ADGRV1: variants seen among roughly 807,000 people sequenced by gnomAD.
The protein encoded by ADGRV1 is G-protein coupled receptor 98.
Under a neutral mutation model 596.2 loss-of-function variants are expected in ADGRV1, and 359 were observed. The ratio of observed to expected loss-of-function variants is 0.60; its 90% CI spans 0.55 to 0.66. The LOEUF is 0.66. Ranked by LOEUF, ADGRV1 falls within the 30% of genes least tolerant of loss-of-function variation. The pLI is 0.00. For synonymous variants in ADGRV1, 2,681 were observed against 2,679.2 expected (o/e 1.00, Z -0.02); for missense variants, 7,274 against 7,575.6 (o/e 0.96, Z 1.48).
At chr5:91,140,009 C>T (rs1794963801) in intron 87 of ADGRV1, among the ~76,000 whole-genome samples, 1 of 152,202 alleles carries the variant, frequency 6.6e-6, no homozygotes, top group Non-Finnish European at 1.5e-5. Flanking sequence ...TGTCCTCCAG[C>T]TGTGTTTAAT....
chr5:90,840,575 T>C lies in ADGRV1; in HGVS notation c.16612-3T>C. The stretch of plus-strand genomic sequence containing the variant: ...CACTTAAATGGTGTTGTTTAATTTC[T>C]AGGAGTTGAGGAGTGCTGAAACAAT... On this transcript the variant is annotated splice_polypyrimidine_tract_variant and splice_region_variant and intron_variant, in intron 77 of 89. Coordinates refer to ENST00000405460, the MANE Select transcript of ADGRV1 (RefSeq NM_032119.4). 1 of 1,581,702 alleles carries C rather than the reference T, an allele frequency of 6.3e-7. No individual in the cohort carries two copies. The highest frequency in any genetic ancestry group is 8.6e-7 in the Non-Finnish European group (1 of 1,162,354).
intron 78 of ADGRV1, among the ~76,000 whole-genome samples, chr5:90,843,322 C>T (rs895474765): frequency 6.6e-6 from 1 of 152,126 alleles, no homozygotes; most frequent in African/African-American, 2.4e-5. Flanking sequence ...CATAAACATT[C>T]ACATCAATGG....
chr5:90,787,590 CTTTTTTT>C (rs35504697), intron 67 of ADGRV1, among the ~76,000 whole-genome samples: 2 of 118,906 alleles, frequency 1.7e-5, no homozygotes, highest in Admixed American at 8.7e-5. Context: ...TTCTTTCTTT[CTTTTTTT>C]TTTTTTTTTT....
intron 17 of ADGRV1, 85 bp downstream of exon 17, chr5:90,647,849 C>A: frequency 8.8e-7 from 1 of 1,138,342 alleles, no homozygotes; most frequent in Non-Finnish European, 1.3e-6. Flanking sequence ...ATAATGAGGA[C>A]AAGTAGGGCC....
chr5:90,686,153 C>CTT (rs61571031), intron 29 of ADGRV1, among the ~76,000 whole-genome samples, 158 bp downstream of exon 29: 7 of 142,170 alleles, frequency 4.9e-5, no homozygotes, highest in East Asian at 2.1e-4. Flanking sequence ...AATCTAGAGT[C>CTT]TTTTTTTTTG....
intron 83 of ADGRV1, among the ~76,000 whole-genome samples, chr5:90,962,452 A>G (rs560525372): frequency 4.7e-4 from 72 of 152,314 alleles, no homozygotes; most frequent in African/African-American, 1.7e-3. Context: ...GGTAATCTCT[A>G]TGTGTTTGAA....
intron 89 of ADGRV1, among the ~76,000 whole-genome samples, chr5:91,163,040 G>C (rs1797085245): frequency 1.3e-5 from 2 of 151,994 alleles, no homozygotes; most frequent in Admixed American, 1.3e-4. Flanking sequence ...AAAGAACATT[G>C]TTCTCTAGAA....
intron 54 of ADGRV1, 138 bp from the exon 55 acceptor site, chr5:90,754,845 G>A (rs967912584): frequency 1.6e-6 from 1 of 615,660 alleles, no homozygotes; most frequent in Non-Finnish European, 2.8e-6. Context: ...ATCCTTGGGA[G>A]TATACATTGT....
chr5:90,845,027 G>C (rs1249330767), intron 78 of ADGRV1, among the ~76,000 whole-genome samples: 1 of 152,130 alleles, frequency 6.6e-6, no homozygotes, highest in Non-Finnish European at 1.5e-5. Context: ...AGTTAACTCT[G>C]TATTTTACTG....
chr5:91,153,337 G>A lies in ADGRV1; in HGVS notation c.18741G>A (p.Gly6247=), dbSNP rs13158963. 0.11 allele frequency: 182,146 copies of A among 1,611,782 alleles called. 11,031 individuals are homozygous for A. The highest frequency in any genetic ancestry group is 0.18 in the South Asian group (16,061 of 90,638). ...TFPSSGGYGQ[G]SLIADEESQE... is the part of the protein sequence containing the mutation. ...CGTCCTCTGGAGGATATGGCCAGGG[G>A]TCACTGATAGCCGATGAGGAGTCCC... is the stretch of plus-strand genomic sequence containing the variant. Residue 6247 remains glycine, a synonymous_variant, in exon 89 of 90, where the codon GGG becomes GGA. Transcript: ENST00000405460.
chr5:90,636,693 C>T (rs188781299), intron 10 of ADGRV1, among the ~76,000 whole-genome samples: 1 of 152,256 alleles, frequency 6.6e-6, no homozygotes, highest in African/African-American at 2.4e-5. Context: ...CAAGGTGATT[C>T]AGGGCCCCAG....
intron 85 of ADGRV1, 88 bp from the exon 86 acceptor site, chr5:91,072,359 T>A: frequency 1.8e-6 from 2 of 1,140,594 alleles, no homozygotes; most frequent in Non-Finnish European, 1.3e-6. Context: ...TACAAAGAGC[T>A]AGTATAAAGT....
Position 91,060,378 on chromosome 5 carries a change from GTATATATATA to G in ADGRV1, c.18153-12057_18153-12048del, listed in dbSNP as rs199745758. Among the ~76,000 whole-genome samples, 851 of 77,104 alleles carry G rather than the reference GTATATATATA, an allele frequency of 0.011. 23 individuals carry two copies. In the East Asian group the frequency reaches 0.13, roughly 11 times the overall value. 50.6% of individuals were successfully genotyped at this position (77,104 alleles called of 152,430 possible). A position where few individuals can be genotyped will look rare whatever the true frequency, so the allele number is the denominator to read the frequency against. ...GCCTGGCAATTTTATATGTGTGTGTGTATATATATATATATATATATTTTTTTTTTTAATA... is the reference window on the plus strand; with the variant it reads ...GCCTGGCAATTTTATATGTGTGTGTGTATATATATATTTTTTTTTTTAATA... On this transcript the variant is annotated intron_variant, in intron 85 of 89. Coordinates refer to ENST00000405460, the MANE Select transcript of ADGRV1 (RefSeq NM_032119.4).
In ADGRV1 at chr5:90,637,947, A is replaced by G. The variant is rs766455670; in HGVS notation, c.2239A>G (p.Arg747Gly). 18 of 1,601,748 alleles carry G rather than the reference A, an allele frequency of 1.1e-5. No individual in the cohort carries two copies. Among genetic ancestry groups the G allele is most frequent in the Non-Finnish European group, 1.5e-5 (17 of 1,169,414 alleles). Residue 747 changes from arginine to glycine, a missense_variant and splice_region_variant, in exon 11 of 90, where the codon AGG becomes GGG. Arg to Gly is a moderately radical substitution (Grantham distance 125, BLOSUM62 -2). Coordinates refer to ENST00000405460, the MANE Select transcript of ADGRV1 (RefSeq NM_032119.4). The stretch of plus-strand genomic sequence containing the variant: ...TGAAACTGTAACACTTTCTCTAGAC[A>G]GGTAATAACCCATTTAGGTAATGTT... ...MNETVTLSLD[R>G]VNVENQVLKS...
chr5:90,656,543 C>A (rs1307288128), intron 20 of ADGRV1, among the ~76,000 whole-genome samples: 1 of 152,102 alleles, frequency 6.6e-6, no homozygotes, highest in Non-Finnish European at 1.5e-5. Flanking sequence ...ATAGGAGAGA[C>A]AACATAGGAT....
chr5:90,725,678 G>T, intron 48 of ADGRV1, 22 bp downstream of exon 48: 1 of 1,163,264 alleles, frequency 8.6e-7, no homozygotes, highest in Non-Finnish European at 1.3e-6. Flanking sequence ...TTAAAATGAA[G>T]TGGGTTTTTT....
At chr5:90,673,200 C>A (rs183050201) in intron 22 of ADGRV1, among the ~76,000 whole-genome samples, 123 of 152,206 alleles carry the variant, frequency 8.1e-4, no homozygotes, top group African/African-American at 2.9e-3. Flanking sequence ...CATTATGAAT[C>A]TATTTTCTAA....
rs370923245 is a variant in ADGRV1 at position 90,828,971 on chromosome 5, G to C, written c.16396G>C (p.Val5466Leu). The change falls in exon 77 of 90, where the codon GTG (valine) becomes CTG (leucine). Residue 5466 changes from valine (V) to leucine (L), a missense_variant. Physicochemically the swap from Val to Leu is conservative, Grantham distance 32. Coordinates refer to ENST00000405460, the MANE Select transcript of ADGRV1 (RefSeq NM_032119.4). ...KVPQVEVYFF[V>L]ELYEATAGAA... Reference sequence around the variant, plus strand: ...ACCACAGGTTGAAGTGTATTTTTTTGTGGAACTATATGAAGCTACTGCTGG... The same window carrying C: ...ACCACAGGTTGAAGTGTATTTTTTTCTGGAACTATATGAAGCTACTGCTGG... 1 of 1,556,068 alleles carries C rather than the reference G, an allele frequency of 6.4e-7. No individual in the cohort carries two copies. Among genetic ancestry groups the C allele is most frequent in the Non-Finnish European group, 8.7e-7 (1 of 1,148,186 alleles).
rs1040245889 is a variant in ADGRV1, at chr5:90,724,880, C to T, written c.9797C>T (p.Ser3266Leu). Residue 3266 changes from serine (S) to leucine (L), a missense_variant, in exon 46 of 90, where the codon TCA (serine) becomes TTA (leucine). Physicochemically the swap from Ser to Leu is moderately radical, Grantham distance 145. This residue lies in a region of ADGRV1 where 3,643 missense variants were observed against 3,809.2 expected (regional missense o/e 0.96). Transcript: ENST00000405460. ...FSVFQSFLDE[S>L]ASGWCFFTLE... is the part of the protein sequence containing the mutation. The stretch of plus-strand genomic sequence containing the variant: ...GTATTTCAAAGTTTTTTGGATGAAT[C>T]AGCTTCTGGCTGGTGTTTCTTTACT... The T allele has an allele frequency of 1.7e-5, 28 of 1,612,718 alleles. No individual in the cohort carries two copies. In the African/African-American group the frequency reaches 3.3e-4, roughly 19 times the overall value.
Sources: allele counts gnomAD v4.1 joint callset (sites outside exome capture counted in the v4.1 genomes callset), GRCh38; gene constraint gnomAD v4.1.1; regional missense constraint gnomAD v4.1.1; transcripts MANE v1.5; gene names NCBI Gene and HGNC (gene_info 2026-07-23, HGNC 2026-07-21).